RAD23B: variants seen among roughly 807,000 people sequenced by gnomAD.
RAD23B encodes lysine-specific demethylase RAD23B.
In RAD23B, 5 loss-of-function variants were observed where a neutral mutation model predicts 49.1. The observed-to-expected ratio is 0.10, with a 90% CI of 0.05 to 0.21. The LOEUF (loss-of-function observed/expected upper bound fraction) is 0.21. Ranked by LOEUF, RAD23B falls within the 10% of genes least tolerant of loss-of-function variation. The pLI, the probability that RAD23B is intolerant of heterozygous loss-of-function variation, is 1.00. For synonymous variants in RAD23B, 184 were observed against 165.4 expected (o/e 1.11, Z -0.86); for missense variants, 356 against 486.7 (o/e 0.73, Z 2.53).
At chr9:107,285,320 A>G (rs1833254564) in intron 1 of RAD23B, among the ~76,000 whole-genome samples, 1 of 152,248 alleles carries the variant, frequency 6.6e-6, no homozygotes, top group African/African-American at 2.4e-5. Context: ...CAGACAAACT[A>G]CGTAAAATGC....
chr9:107,306,067 A>C (rs1362587131), intron 3 of RAD23B, among the ~76,000 whole-genome samples: 3 of 133,688 alleles, frequency 2.2e-5, no homozygotes, highest in South Asian at 5.1e-4. Flanking sequence ...ATATATATAT[A>C]TATATCTATA....
intron 1 of RAD23B, among the ~76,000 whole-genome samples, chr9:107,296,566 CTT>C (rs113179056): frequency 1.4e-5 from 2 of 142,286 alleles, no homozygotes; most frequent in South Asian, 2.2e-4. Flanking sequence ...GTCTCTCTCT[CTT>C]TTTTTTTTTC....
intron 5 of RAD23B, among the ~76,000 whole-genome samples, chr9:107,313,136 A>G (rs546772417): frequency 6.6e-6 from 1 of 150,646 alleles, no homozygotes; most frequent in Admixed American, 6.6e-5. Context: ...CTGTGACACC[A>G]CTCTTTTCCT....
At chr9:107,298,215 G>T (rs1826572683) in intron 1 of RAD23B, among the ~76,000 whole-genome samples, 1 of 152,190 alleles carries the variant, frequency 6.6e-6, no homozygotes, top group Non-Finnish European at 1.5e-5. Flanking sequence ...TAGCATGTAG[G>T]ATAGCAGTCT....
intron 1 of RAD23B, among the ~76,000 whole-genome samples, chr9:107,296,253 G>A (rs570478021): frequency 1.3e-5 from 2 of 152,262 alleles, no homozygotes; most frequent in East Asian, 1.9e-4. Flanking sequence ...TCAAATCCCC[G>A]TGCCTTCCCC....
chr9:107,316,968 G>A (rs115317915), intron 5 of RAD23B, among the ~76,000 whole-genome samples: 1 of 152,316 alleles, frequency 6.6e-6, no homozygotes, highest in African/African-American at 2.4e-5. Context: ...CTGGTGTTGT[G>A]TAAAGGCCCT....
chr9:107,327,178 T>C (rs1174581046), intron 9 of RAD23B, among the ~76,000 whole-genome samples: 1 of 152,232 alleles, frequency 6.6e-6, no homozygotes, highest in Non-Finnish European at 1.5e-5. Context: ...TTGTTCATTT[T>C]GTGGTGGTTG....
intron 8 of RAD23B, 24 bp downstream of exon 8, chr9:107,324,041 C>G (rs770679321): frequency 1.9e-6 from 3 of 1,609,822 alleles, no homozygotes; most frequent in Non-Finnish European, 2.5e-6. Context: ...GTCAGTTTCA[C>G]AAGTGATTTA....
Position 107,318,813 on chromosome 9 carries a change from G to A in RAD23B, c.615G>A (p.Glu205=), listed in dbSNP as rs1453402163. 3.1e-6 allele frequency: 5 copies of A among 1,613,374 alleles called. No individual in the cohort carries two copies. Among genetic ancestry groups the A allele is most frequent in the Non-Finnish European group, 3.4e-6 (4 of 1,179,534 alleles). The change falls in exon 6 of 10, where the codon GAG becomes GAA. Residue 205 remains glutamate (E), a synonymous_variant. Coordinates refer to ENST00000358015, the MANE Select transcript of RAD23B (RefSeq NM_002874.5). This position sits in a 1 kb window ranked among gnomAD's most constrained non-coding sequence, Gnocchi z 4.3. ...TEIMSMGYER[E]QVIAALRASF... is the part of the protein sequence containing the mutation. ...TCATGTCAATGGGCTATGAACGAGA[G>A]CAAGTAATTGCAGCCCTGAGAGCCA... is the stretch of plus-strand genomic sequence containing the variant.
At position 107,311,673 on chromosome 9, in the gene RAD23B, C is replaced by A; in HGVS notation, c.498-9C>A. On this transcript the variant is annotated splice_polypyrimidine_tract_variant and intron_variant, in intron 4 of 9. Coordinates refer to ENST00000358015, the MANE Select transcript of RAD23B (RefSeq NM_002874.5). ...TTTAAAATGTGATTTTTCTAAAATC[C>A]TTTTGTAGTACATCGGGTGATTCTT... is the stretch of plus-strand genomic sequence containing the variant. 2 of 1,554,008 alleles carry A rather than the reference C, an allele frequency of 1.3e-6. No homozygotes were observed. The highest frequency in any genetic ancestry group is 1.2e-5 in the South Asian group (1 of 80,332).
At position 107,318,853 on chromosome 9, in the gene RAD23B, G is replaced by C; in HGVS notation, c.655G>C (p.Asp219His). The change falls in exon 6 of 10, where the codon GAC becomes CAC. Residue 219 changes from aspartate to histidine, a missense_variant. Physicochemically the swap from Asp to His is moderately conservative, Grantham distance 81. Coordinates refer to ENST00000358015, the MANE Select transcript of RAD23B (RefSeq NM_002874.5). The surrounding 1 kb of genome is among the most constrained non-coding windows in gnomAD (Gnocchi z 4.3). ...CCTGAGAGCCAGTTTCAACAACCCTGACAGAGCAGTGGAGTATCTTTTAAT... is the reference window on the plus strand; with the variant it reads ...CCTGAGAGCCAGTTTCAACAACCCTCACAGAGCAGTGGAGTATCTTTTAAT... ...AALRASFNNPDRAVEYLLMGI... is the reference protein window; with the variant it reads ...AALRASFNNPHRAVEYLLMGI... The C allele has an allele frequency of 2.5e-6, 4 of 1,613,630 alleles. No individual in the cohort carries two copies. Among genetic ancestry groups the C allele is most frequent in the Non-Finnish European group, 3.4e-6 (4 of 1,179,612 alleles).
chr9:107,331,189 A>T lies in RAD23B; in HGVS notation c.*1533A>T, dbSNP rs1827299665. 6.5e-6 allele frequency: 1 copy of T among 153,650 alleles called. No individual in the cohort carries two copies. The highest frequency in any genetic ancestry group is 1.4e-5 in the Non-Finnish European group (1 of 69,058). The allele number at this position is 153,650 out of a possible 1,614,324, so 9.5% of individuals were successfully genotyped here. On this transcript the variant is annotated 3_prime_UTR_variant, in exon 10 of 10. Coordinates refer to ENST00000358015, the MANE Select transcript of RAD23B (RefSeq NM_002874.5). ...TGACTTTTAAGCATTTACATCACGT[A>T]CTCATAACCTATTATGAAAATAAAT...
In RAD23B at chr9:107,318,984, G is replaced by A. The variant is rs1827052848; in HGVS notation, c.681+105G>A. On this transcript the variant is annotated intron_variant, in intron 6 of 9. Transcript: ENST00000358015. The surrounding 1 kb of genome is among the most constrained non-coding windows in gnomAD (Gnocchi z 4.3). ...CACTTGTCACTGATATATGCTAGAT[G>A]ATATACATAATGCTTTTTTTTTTCT... The A allele has an allele frequency of 3.6e-6, 4 of 1,114,698 alleles. No homozygotes were observed. In the East Asian group the frequency reaches 8.3e-5, roughly 23 times the overall value. 69.1% of individuals were successfully genotyped at this position (1,114,698 alleles called of 1,614,324 possible). A position where few individuals can be genotyped will look rare whatever the true frequency, so the allele number is the denominator to read the frequency against.
intron 3 of RAD23B, 92 bp downstream of exon 3, chr9:107,302,206 A>G: frequency 6.4e-7 from 1 of 1,557,276 alleles, no homozygotes; most frequent in Non-Finnish European, 8.7e-7. Flanking sequence ...CAGTTTATAC[A>G]CATCCATAGT....
intron 1 of RAD23B, among the ~76,000 whole-genome samples, chr9:107,287,633 C>A (rs7035725): frequency 2.0e-5 from 3 of 151,678 alleles, no homozygotes; most frequent in East Asian, 1.9e-4. Context: ...TCAGGAGTTC[C>A]AGACCAGCCT....
chr9:107,328,413 G>A (rs999263951), intron 9 of RAD23B, among the ~76,000 whole-genome samples: 1 of 152,134 alleles, frequency 6.6e-6, no homozygotes, highest in Non-Finnish European at 1.5e-5. Context: ...GTTAGGAAGT[G>A]GGGTGGGGCG....
chr9:107,300,115 A>C (rs1009904465), intron 1 of RAD23B, 26 bp from the exon 2 acceptor site: 1 of 1,585,338 alleles, frequency 6.3e-7, no homozygotes, highest in African/African-American at 1.4e-5. Flanking sequence ...GACTTTTTCC[A>C]AAACAAATCT....
intron 1 of RAD23B, among the ~76,000 whole-genome samples, chr9:107,298,474 ATTTTT>A (rs35923233): frequency 5.6e-5 from 3 of 53,112 alleles, no homozygotes; most frequent in East Asian, 9.1e-4. Context: ...TGCTTGGCTA[ATTTTT>A]TTTTTTTTTT....
At chr9:107,305,360 G>A (rs1587854097) in intron 3 of RAD23B, among the ~76,000 whole-genome samples, 1 of 152,246 alleles carries the variant, frequency 6.6e-6, no homozygotes, top group African/African-American at 2.4e-5. Context: ...TTAAGTGTAA[G>A]TGGATCATCA....
Sources: gnomAD v4.1 joint callset for allele counts (sites outside exome capture counted in the v4.1 genomes callset) on GRCh38, gnomAD v4.1.1 for gene constraint, Gnocchi (gnomAD v3.1) non-coding constraint, MANE v1.5 for transcripts, NCBI Gene and HGNC (gene_info 2026-07-23, HGNC 2026-07-21) for gene names.